The following PSMD6 variants were observed in gnomAD, a reference collection of about 807,000 sequenced individuals.
PSMD6 encodes 26S proteasome non-ATPase regulatory subunit 6.
A neutral mutation model predicts 44.9 loss-of-function variants in PSMD6; 7 were observed. The observed-to-expected ratio is 0.16, with a 90% CI of 0.09 to 0.29. The LOEUF is 0.29. Ranked by LOEUF, PSMD6 falls within the 10% of genes least tolerant of loss-of-function variation. PSMD6 has a pLI of 1.00. For synonymous variants in PSMD6, 184 were observed against 172.7 expected, an observed-to-expected ratio of 1.07 and a Z score of -0.51; for missense variants, 420 against 482.6, an observed-to-expected ratio of 0.87 and a Z score of 1.21.
chr3:64,018,510 G>T, intron 5 of PSMD6, 89 bp downstream of exon 5: 1 of 943,342 alleles, frequency 1.1e-6, no homozygotes, highest in Non-Finnish European at 1.6e-6. Context: ...ACATTTCTCA[G>T]ATAGGTGAAA....
rs558858993 is a variant in PSMD6 at position 64,018,801 on chromosome 3, TA to T, written c.717+16del. 2 of 1,549,272 alleles carry T rather than the reference TA, an allele frequency of 1.3e-6. No individual in the cohort carries two copies. Among genetic ancestry groups the T allele is most frequent in the African/African-American group, 2.7e-5 (2 of 73,182 alleles). ...AAAACAAGTCTTTAAATTTGAGTAT[TA>T]AAGTTTGGTCATTACCTTTTCCCTG... On this transcript the variant is annotated intron_variant, in intron 4 of 7. Transcript: ENST00000295901.
Position 64,023,314 on chromosome 3 carries a change from C to A in PSMD6, c.106G>T (p.Ala36Ser), listed in dbSNP as rs1559680325. 1.3e-6 allele frequency: 2 copies of A among 1,593,712 alleles called. No homozygotes were observed. The highest frequency in any genetic ancestry group is 1.7e-6 in the Non-Finnish European group (2 of 1,170,932). ...GCCGCCATCAGCTCGTCGCGCACGG[C>A]AGCGTCTCCGCGGTGCTCGGGCAGG... is the stretch of plus-strand genomic sequence containing the variant. The part of the protein sequence containing the change: ...LSLPEHRGDA[A>S]VRDELMAAVR... Residue 36 changes from alanine to serine, a missense_variant, in exon 1 of 8, where the codon GCC becomes TCC. This residue lies in a region of PSMD6 where 136 missense variants were observed against 124.2 expected (regional missense o/e 1.09). Transcript: ENST00000295901.
intron 6 of PSMD6, 166 bp downstream of exon 6, chr3:64,013,273 C>CA: frequency 1.7e-6 from 1 of 586,280 alleles, no homozygotes; most frequent in South Asian, 2.8e-5. Context: ...ATGAGGAAGG[C>CA]AGAGGCAACA....
upstream of PSMD6, chr3:64,023,922 A>G: frequency 8.5e-7 from 1 of 1,176,150 alleles, no homozygotes. Flanking sequence ...GGTTAGGGAA[A>G]CAGACCAACC....
intron 3 of PSMD6, 41 bp downstream of exon 3, chr3:64,019,252 GCAT>G: frequency 6.5e-7 from 1 of 1,528,976 alleles, no homozygotes; most frequent in Non-Finnish European, 9.0e-7. Flanking sequence ...CTCATTTGTA[GCAT>G]CATAATTTAG....
At chr3:64,014,554 A>G (rs974333280) in intron 5 of PSMD6, 1 of 152,402 alleles carries the variant, frequency 6.6e-6, no homozygotes, top group Admixed American at 6.6e-5. Flanking sequence ...CCAGGAACAG[A>G]AAGGATGCCA....
Position 64,010,877 on chromosome 3 carries a change from C to A in PSMD6, c.1073+1G>T. The A allele has an allele frequency of 6.2e-7, 1 of 1,605,044 alleles. No individual in the cohort carries two copies. The highest frequency in any genetic ancestry group is 2.2e-5 in the East Asian group (1 of 44,766). On this transcript the variant is annotated splice_donor_variant, in intron 7 of 7. Coordinates refer to ENST00000295901, the MANE Select transcript of PSMD6 (RefSeq NM_014814.3). LOFTEE classifies it high-confidence loss of function. ...CCCCTTATTCTGAGAAATGAGAGTACCTGTTGGTTTCTACTATTTCATTCA... is the reference window on the plus strand; with the variant it reads ...CCCCTTATTCTGAGAAATGAGAGTAACTGTTGGTTTCTACTATTTCATTCA...
intron 1 of PSMD6, 185 bp from the exon 2 acceptor site, chr3:64,022,708 T>C (rs1261198634): frequency 2.6e-6 from 4 of 1,536,820 alleles, no homozygotes; most frequent in South Asian, 1.2e-5. Context: ...GGTGGGAGGT[T>C]TGCGTGACGG....
At position 64,013,512 on chromosome 3, in the gene PSMD6, G is replaced by A. The variant is rs1209432791; in HGVS notation, c.922C>T (p.Leu308=). 6.2e-7 allele frequency: 1 copy of A among 1,613,566 alleles called. No homozygotes were observed. Among genetic ancestry groups the A allele is most frequent in the African/African-American group, 1.3e-5 (1 of 75,030 alleles). The change falls in exon 6 of 8, where the codon CTG becomes TTG. Residue 308 remains leucine (L), a synonymous_variant. Transcript: ENST00000295901. Reference sequence around the variant, plus strand: ...AGGGTTAATGACCTATATGATTCCAGCAGCTGACTGTATGCATGAATTCTC... The same window carrying A: ...AGGGTTAATGACCTATATGATTCCAACAGCTGACTGTATGCATGAATTCTC... ...EMRIHAYSQL[L]ESYRSLTLGY...
Position 64,013,292 on chromosome 3 carries a change from A to G in PSMD6, c.995+147T>C, listed in dbSNP as rs2075991263. On this transcript the variant is annotated intron_variant, in intron 6 of 7. Transcript: ENST00000295901. ...GGAAGGCAGAGGCAACAGGATACGA[A>G]TGTTTTGATAATACTGAGGAAAAAA... 1.1e-5 allele frequency: 8 copies of G among 726,046 alleles called. No individual in the cohort carries two copies. The East Asian group carries it at 1.4e-4, about 13-fold the overall frequency. The allele number at this position is 726,046 out of a possible 1,614,324, so 45.0% of individuals were successfully genotyped here. A position where few individuals can be genotyped will look rare whatever the true frequency, so the allele number is the denominator to read the frequency against.
upstream of PSMD6, chr3:64,023,775 T>C (rs1248386937): frequency 1.0e-5 from 15 of 1,471,824 alleles, no homozygotes; most frequent in African/African-American, 1.4e-5. Context: ...AAACTGAAAA[T>C]GTAATAACAG....
At chr3:64,021,119 T>C (rs764010473) in intron 2 of PSMD6, among the ~76,000 whole-genome samples, 8 of 151,638 alleles carry the variant, frequency 5.3e-5, no homozygotes, top group African/African-American at 9.7e-5. Flanking sequence ...TTGTTTCATA[T>C]ACTATACCCT....
At chr3:64,018,299 G>A (rs192259055) in intron 5 of PSMD6, 14 of 209,666 alleles carry the variant, frequency 6.7e-5, no homozygotes, top group Admixed American at 4.3e-4. Context: ...CTCAGCAAAG[G>A]GCCAGAGGGT....
chr3:64,014,438 C>T lies in PSMD6; in HGVS notation c.827-831G>A, dbSNP rs796368980. ...AACATGATAGAGTGACTAGGAAGCC[C>T]TCCACTGGATTGGGGTGGACAGGGA... On this transcript the variant is annotated intron_variant, in intron 5 of 7. Coordinates refer to ENST00000295901, the MANE Select transcript of PSMD6 (RefSeq NM_014814.3). The T allele has an allele frequency of 1.2e-4, 19 of 152,190 alleles. 1 individual carries two copies. The highest frequency in any genetic ancestry group is 4.3e-4 in the African/African-American group (18 of 41,518). 9.4% of individuals were successfully genotyped at this position (152,190 alleles called of 1,614,324 possible).
chr3:64,013,761 C>T lies in PSMD6; in HGVS notation c.827-154G>A, dbSNP rs73834177. 1.9e-4 allele frequency: 118 copies of T among 623,430 alleles called. No individual in the cohort carries two copies. The African/African-American group carries it at 2.1e-3, about 11-fold the overall frequency. The allele number at this position is 623,430 out of a possible 1,614,324, so 38.6% of individuals were successfully genotyped here. A position where few individuals can be genotyped will look rare whatever the true frequency, so the allele number is the denominator to read the frequency against. On this transcript the variant is annotated intron_variant, in intron 5 of 7. Transcript: ENST00000295901. ...CACATCATGTCATCAACAATGGCAG[C>T]AACAGCAGTGATAAAGGAGGGGCCA...
chr3:64,014,850 T>C (rs1448913113), intron 5 of PSMD6: 1 of 152,178 alleles, frequency 6.6e-6, no homozygotes, highest in Non-Finnish European at 1.5e-5. Flanking sequence ...ATCACTGCCA[T>C]CCAAATGTAT....
At chr3:64,011,734 A>ATGACT (rs2075957762) in intron 6 of PSMD6, 1 of 152,132 alleles carries the variant, frequency 6.6e-6, no homozygotes, top group African/African-American at 2.4e-5. Context: ...TGTCATCAAG[A>ATGACT]TGACTTAAGG....
rs2076090722 is a variant in PSMD6, at chr3:64,018,990, A to G, written c.545T>C (p.Val182Ala). The change falls in exon 4 of 8, where the codon GTG becomes GCG. Residue 182 changes from valine (V) to alanine (A), a missense_variant. Physicochemically the swap from Val to Ala is moderately conservative, Grantham distance 64. Around this residue, in one of 4 missense-constraint regions of PSMD6, gnomAD observed 216 missense variants for 227.0 expected, o/e 0.95. Coordinates refer to ENST00000295901, the MANE Select transcript of PSMD6 (RefSeq NM_014814.3). ...AGCCACACAATAAAGACCCTGATACACTTTTAGGCGGTTTCTCCTGTCCCA... is the reference window on the plus strand; with the variant it reads ...AGCCACACAATAAAGACCCTGATACGCTTTTAGGCGGTTTCTCCTGTCCCA... ...GDWDRRNRLKVYQGLYCVAIR... is the reference protein window; with the variant it reads ...GDWDRRNRLKAYQGLYCVAIR... The G allele has an allele frequency of 6.2e-7, 1 of 1,612,886 alleles. No individual in the cohort carries two copies. The highest frequency in any genetic ancestry group is 8.5e-7 in the Non-Finnish European group (1 of 1,178,872).
intron 2 of PSMD6, chr3:64,019,790 C>T (rs2076101995): frequency 1.6e-5 from 3 of 182,938 alleles, no homozygotes; most frequent in Non-Finnish European, 3.4e-5. Context: ...ATCAAAATAA[C>T]ATCATCTGAA....
Sources: gnomAD v4.1 joint callset for allele counts (sites outside exome capture counted in the v4.1 genomes callset) on GRCh38, gnomAD v4.1.1 for gene constraint, gnomAD v4.1.1 regional missense constraint, MANE v1.5 for transcripts, NCBI Gene and HGNC (gene_info 2026-07-23, HGNC 2026-07-21) for gene names.